The following CTTNBP2NL variants were observed in gnomAD, a reference collection of about 807,000 sequenced individuals.
CTTNBP2NL encodes CTTNBP2 N-terminal like, also known as CTTNBP2 N-terminal-like protein.
A neutral mutation model predicts 32.5 loss-of-function variants in CTTNBP2NL; 16 were observed. That is an observed-to-expected ratio of 0.49 (90% CI 0.33 to 0.75). The LOEUF (loss-of-function observed/expected upper bound fraction) is 0.75, where lower values mean the gene tolerates loss of function less well. Among genes scored for constraint, CTTNBP2NL ranks in the 30% least tolerant of loss-of-function variants. The pLI, the probability that CTTNBP2NL is intolerant of heterozygous loss-of-function variation, is 0.02. For synonymous variants in CTTNBP2NL, 298 were observed against 289.4 expected (o/e 1.03, Z -0.30); for missense variants, 645 against 756.0 (o/e 0.85, Z 1.72).
chr1:112,399,685 A>C (rs1648437805), intron 1 of CTTNBP2NL, among the ~76,000 whole-genome samples: 1 of 152,114 alleles, frequency 6.6e-6, no homozygotes, highest in Admixed American at 6.5e-5. Context: ...CAGGAAGCAG[A>C]GATATGCTTC....
intron 3 of CTTNBP2NL, among the ~76,000 whole-genome samples, chr1:112,433,963 C>T (rs1199063144): frequency 6.6e-6 from 1 of 151,786 alleles, no homozygotes; most frequent in African/African-American, 2.4e-5. Context: ...GTCCCGAACT[C>T]CTGGGCTCAG....
At chr1:112,430,125 TCA>T (rs1355409196) in intron 3 of CTTNBP2NL, among the ~76,000 whole-genome samples, 2 of 152,204 alleles carry the variant, frequency 1.3e-5, no homozygotes, top group Non-Finnish European at 2.9e-5. Flanking sequence ...TTTGCTCCAT[TCA>T]GAAAAACATC....
At chr1:112,407,494 T>G (rs1223046071) in intron 1 of CTTNBP2NL, among the ~76,000 whole-genome samples, 3 of 152,172 alleles carry the variant, frequency 2.0e-5, no homozygotes, top group Non-Finnish European at 4.4e-5. Context: ...CCTCTTCTTA[T>G]AAAACACCAG....
chr1:112,419,321 A>T (rs1055094340), intron 3 of CTTNBP2NL, among the ~76,000 whole-genome samples: 2 of 152,248 alleles, frequency 1.3e-5, no homozygotes, highest in Non-Finnish European at 2.9e-5. Flanking sequence ...CAAAGGGTTA[A>T]AATGAAAAAA....
chr1:112,420,177 G>A (rs779791604), intron 3 of CTTNBP2NL, among the ~76,000 whole-genome samples: 7 of 141,900 alleles, frequency 4.9e-5, no homozygotes, highest in African/African-American at 1.1e-4. Flanking sequence ...ATGAAGTCTC[G>A]CTCTGTTGCC....
chr1:112,428,746 A>G lies in CTTNBP2NL; in HGVS notation c.99+12482A>G, dbSNP rs116383085. 2.3e-3 allele frequency among the ~76,000 whole-genome samples: 357 copies of G among 152,278 alleles called. 2 individuals are homozygous for G. The highest frequency in any genetic ancestry group is 8.1e-3 in the African/African-American group (335 of 41,566). On this transcript the variant is annotated intron_variant, in intron 3 of 5. Coordinates refer to ENST00000271277, the MANE Select transcript of CTTNBP2NL (RefSeq NM_018704.3). ...TTTACTATACTATAATATTTATACT[A>G]TACCATACTGTACTGTAATATTTTC...
intron 3 of CTTNBP2NL, among the ~76,000 whole-genome samples, chr1:112,433,455 C>T (rs1446006448): frequency 6.6e-6 from 1 of 152,084 alleles, no homozygotes; most frequent in East Asian, 1.9e-4. Flanking sequence ...TAACCAGGCA[C>T]AATGGTGCAT....
Position 112,457,295 on chromosome 1 carries a change from A to G in CTTNBP2NL, c.1803A>G (p.Lys601=). ...CATCTGCTACCACTCCATTGACCAA[A>G]ACTCATTCCCAGGCAGCCTCTTTGA... ...PSPSATTPLT[K]THSQAASLTT... Residue 601 remains lysine, a synonymous_variant, in exon 6 of 6, where the codon AAA becomes AAG. Coordinates refer to ENST00000271277, the MANE Select transcript of CTTNBP2NL (RefSeq NM_018704.3). The G allele has an allele frequency of 1.2e-6, 2 of 1,614,056 alleles. No homozygotes were observed. The highest frequency in any genetic ancestry group is 1.7e-6 in the Non-Finnish European group (2 of 1,179,994).
chr1:112,452,564 G>A (rs1271307569), intron 4 of CTTNBP2NL, among the ~76,000 whole-genome samples: 1 of 149,452 alleles, frequency 6.7e-6, no homozygotes, highest in East Asian at 2.0e-4. Context: ...GGCTGGTCTC[G>A]AACTCCCAAC....
chr1:112,426,771 T>C (rs1649417242), intron 3 of CTTNBP2NL, among the ~76,000 whole-genome samples: 1 of 152,008 alleles, frequency 6.6e-6, no homozygotes, highest in South Asian at 2.1e-4. Flanking sequence ...CACACCCAGC[T>C]AATTTTGTAT....
At chr1:112,438,127 G>A (rs1176193108) in intron 3 of CTTNBP2NL, among the ~76,000 whole-genome samples, 1 of 152,050 alleles carries the variant, frequency 6.6e-6, no homozygotes, top group Admixed American at 6.6e-5. Context: ...GTTAATTTTT[G>A]TATGTGGTGT....
intron 3 of CTTNBP2NL, among the ~76,000 whole-genome samples, chr1:112,423,804 A>G (rs1570727208): frequency 6.6e-6 from 1 of 152,214 alleles, no homozygotes; most frequent in South Asian, 2.1e-4. Flanking sequence ...GCTCACTGCA[A>G]CCTTTGGCTC....
At chr1:112,416,370 A>T (rs981243386) in intron 3 of CTTNBP2NL, 106 bp downstream of exon 3, 1 of 644,442 alleles carries the variant, frequency 1.6e-6, no homozygotes, top group Non-Finnish European at 2.6e-6. Flanking sequence ...TTGAAATTAA[A>T]TGGAGGACAT....
intron 3 of CTTNBP2NL, among the ~76,000 whole-genome samples, chr1:112,423,082 C>A (rs1419163555): frequency 2.0e-5 from 3 of 152,198 alleles, no homozygotes; most frequent in Non-Finnish European, 4.4e-5. Flanking sequence ...GCATAGTCAC[C>A]AACCTGGCCT....
rs560832881 is a variant in CTTNBP2NL at position 112,401,077 on chromosome 1, A to T, written c.-134+4805A>T. Among the ~76,000 whole-genome samples, 10 of 152,254 alleles carry T rather than the reference A, an allele frequency of 6.6e-5. No homozygotes were observed. In the East Asian group the frequency reaches 1.9e-3, roughly 29 times the overall value. ...AAGAAGCACTTAGTAATTGACAGGTATTATTATTAGCACTTGGCATGTGAG... is the reference window on the plus strand; with the variant it reads ...AAGAAGCACTTAGTAATTGACAGGTTTTATTATTAGCACTTGGCATGTGAG... On this transcript the variant is annotated intron_variant, in intron 1 of 5. Transcript: ENST00000271277.
chr1:112,435,982 T>G (rs1649714582), intron 3 of CTTNBP2NL, among the ~76,000 whole-genome samples: 1 of 152,164 alleles, frequency 6.6e-6, no homozygotes, highest in Admixed American at 6.5e-5. Flanking sequence ...TATGGTCATC[T>G]GTCTAAATTA....
At chr1:112,401,118 T>G (rs1470090057) in intron 1 of CTTNBP2NL, among the ~76,000 whole-genome samples, 1 of 152,234 alleles carries the variant, frequency 6.6e-6, no homozygotes, top group African/African-American at 2.4e-5. Flanking sequence ...GAATTTAATA[T>G]TCAACATTAT....
chr1:112,460,542 A>G lies in CTTNBP2NL; in HGVS notation c.*3130A>G, dbSNP rs747706719. ...TATCCCTAGAAAAATGAATATGCCT[A>G]TATGCAAAATTTGTTTGATGGCTTC... On this transcript the variant is annotated 3_prime_UTR_variant, in exon 6 of 6. Transcript: ENST00000271277. 2.0e-5 allele frequency: 3 copies of G among 152,216 alleles called. No homozygotes were observed. The highest frequency in any genetic ancestry group is 7.2e-5 in the African/African-American group (3 of 41,454). The allele number at this position is 152,216 out of a possible 1,614,324, so 9.4% of individuals were successfully genotyped here. A position where few individuals can be genotyped will look rare whatever the true frequency, so the allele number is the denominator to read the frequency against.
chr1:112,416,286 AAG>A (rs1026682716), intron 3 of CTTNBP2NL, 22 bp downstream of exon 3: 6 of 1,193,142 alleles, frequency 5.0e-6, no homozygotes, highest in Middle Eastern at 2.0e-4. Flanking sequence ...GAAAAAAAAA[AAG>A]AGGTCATCAT....
Sources: gnomAD v4.1 joint callset for allele counts (sites outside exome capture counted in the v4.1 genomes callset) on GRCh38, gnomAD v4.1.1 for gene constraint, MANE v1.5 for transcripts, NCBI Gene and HGNC (gene_info 2026-07-23, HGNC 2026-07-21) for gene names.